The following CYTH3 variants were observed in gnomAD, a reference collection of about 807,000 sequenced individuals.
CYTH3 encodes cytohesin 3, also known as cytohesin-3.
In CYTH3, 23 loss-of-function variants were observed where a neutral mutation model predicts 55.1. That is an observed-to-expected ratio of 0.42 (90% CI 0.30 to 0.59). CYTH3 has a LOEUF of 0.59. Among genes scored for constraint, CYTH3 ranks in the 20% least tolerant of loss-of-function variants. The pLI is 0.20. For missense variants in CYTH3, 413 were observed against 524.8 expected, an observed-to-expected ratio of 0.79 and a Z score of 2.08; for synonymous variants, 249 against 194.9, an observed-to-expected ratio of 1.28 and a Z score of -2.31.
chr7:6,229,232 G>C (rs951209656), intron 1 of CYTH3, among the ~76,000 whole-genome samples: 8 of 152,150 alleles, frequency 5.3e-5, no homozygotes, highest in Admixed American at 4.6e-4. Context: ...TATAGCCAAA[G>C]AAAAACAATT....
At chr7:6,256,871 G>A (rs1293118015) in intron 1 of CYTH3, among the ~76,000 whole-genome samples, 3 of 152,142 alleles carry the variant, frequency 2.0e-5, no homozygotes, top group South Asian at 2.1e-4. Context: ...TGAAGCTGGC[G>A]GGACAACGTG....
intron 1 of CYTH3, among the ~76,000 whole-genome samples, chr7:6,192,969 T>A: frequency 6.6e-6 from 1 of 151,038 alleles, no homozygotes; most frequent in East Asian, 2.0e-4. Flanking sequence ...TCAGGAGTTC[T>A]GGACCAGTCT....
In CYTH3 at chr7:6,249,859, G is replaced by C. The variant is rs191558892; in HGVS notation, c.34+22615C>G. On this transcript the variant is annotated intron_variant, in intron 1 of 12. Transcript: ENST00000350796. The stretch of plus-strand genomic sequence containing the variant: ...ACCTCTCGCCTCACATAGTTACCTT[G>C]TGCTTGTGTAGTGAGAATACTTAAA... 1.5e-3 allele frequency among the ~76,000 whole-genome samples: 232 copies of C among 152,314 alleles called. 2 individuals are homozygous for C. Among genetic ancestry groups the C allele is most frequent in the African/African-American group, 5.1e-3 (214 of 41,558 alleles).
intron 1 of CYTH3, among the ~76,000 whole-genome samples, chr7:6,246,074 T>C (rs1779806466): frequency 6.6e-6 from 1 of 152,012 alleles, no homozygotes; most frequent in Non-Finnish European, 1.5e-5. Flanking sequence ...CTCTAAATAA[T>C]TTTTAATTTT....
At chr7:6,212,951 G>C (rs148291290) in intron 1 of CYTH3, among the ~76,000 whole-genome samples, 10 of 152,284 alleles carry the variant, frequency 6.6e-5, no homozygotes, top group South Asian at 2.1e-4. Context: ...CAGTGCACAA[G>C]GTTTCCAATT....
intron 1 of CYTH3, among the ~76,000 whole-genome samples, chr7:6,203,595 C>T (rs1583782343): frequency 6.6e-6 from 1 of 152,108 alleles, no homozygotes. Context: ...CTAATGCCTT[C>T]GATGGTGACA....
chr7:6,195,348 A>C (rs1783899546), intron 1 of CYTH3, among the ~76,000 whole-genome samples: 1 of 152,368 alleles, frequency 6.6e-6, no homozygotes, highest in Non-Finnish European at 1.5e-5. Flanking sequence ...GAAAAAAATA[A>C]AATATGCTTC....
chr7:6,179,823 C>T (rs1402283319), intron 4 of CYTH3, among the ~76,000 whole-genome samples: 1 of 136,030 alleles, frequency 7.4e-6, no homozygotes, highest in Non-Finnish European at 1.6e-5. Flanking sequence ...ACACACACCA[C>T]ACACGCACAC....
chr7:6,252,580 C>T (rs1051900623), intron 1 of CYTH3, among the ~76,000 whole-genome samples: 1 of 152,030 alleles, frequency 6.6e-6, no homozygotes, highest in Non-Finnish European at 1.5e-5. Flanking sequence ...GCTTTTCATA[C>T]AATGAGTTTG....
At chr7:6,264,673 C>T (rs1780441835) in intron 1 of CYTH3, among the ~76,000 whole-genome samples, 1 of 152,124 alleles carries the variant, frequency 6.6e-6, no homozygotes, top group Non-Finnish European at 1.5e-5. Flanking sequence ...ATGGCTGCCT[C>T]TAAGAAACAT....
intron 1 of CYTH3, among the ~76,000 whole-genome samples, chr7:6,210,770 G>A (rs1204695826): frequency 6.6e-6 from 1 of 152,166 alleles, no homozygotes; most frequent in African/African-American, 2.4e-5. Context: ...GCTTAGGAAA[G>A]CAGTATTTTT....
intron 1 of CYTH3, among the ~76,000 whole-genome samples, chr7:6,227,082 A>AC (rs1779275749): frequency 6.6e-6 from 1 of 151,652 alleles, no homozygotes; most frequent in African/African-American, 2.4e-5. Context: ...TCTGTCTAAA[A>AC]AAAAAAAAAA....
intron 1 of CYTH3, among the ~76,000 whole-genome samples, chr7:6,270,477 T>C (rs1780621237): frequency 6.6e-6 from 1 of 152,220 alleles, no homozygotes; most frequent in Non-Finnish European, 1.5e-5. Flanking sequence ...ATGGTTTTTT[T>C]CCAATCTGAA....
chr7:6,164,308 T>TC lies in CYTH3; in HGVS notation c.*635_*636insG. 1 of 152,858 alleles carries TC rather than the reference T, an allele frequency of 6.5e-6. No homozygotes were observed. Among genetic ancestry groups the TC allele is most frequent in the Non-Finnish European group, 1.5e-5 (1 of 68,198 alleles). 9.5% of individuals were successfully genotyped at this position (152,858 alleles called of 1,614,324 possible). The stretch of plus-strand genomic sequence containing the variant: ...ATGGATATTTTTTCAGTGCACAGTA[T>TC]ATACTTGTGTCCAGGAGTTAACTTT... On this transcript the variant is annotated 3_prime_UTR_variant, in exon 13 of 13. Coordinates refer to ENST00000350796, the MANE Select transcript of CYTH3 (RefSeq NM_004227.4).
Position 6,164,770 on chromosome 7 carries a change from G to T in CYTH3, c.*174C>A. On this transcript the variant is annotated 3_prime_UTR_variant, in exon 13 of 13. Transcript: ENST00000350796. ...GCACTGCAGGGCGACCACCTCCCAGGACCCCAGCCACGGCACGAGGCCTTG... is the reference window on the plus strand; with the variant it reads ...GCACTGCAGGGCGACCACCTCCCAGTACCCCAGCCACGGCACGAGGCCTTG... 1 of 730,488 alleles carries T rather than the reference G, an allele frequency of 1.4e-6. No homozygotes were observed. The highest frequency in any genetic ancestry group is 2.4e-6 in the Non-Finnish European group (1 of 423,382). The allele number at this position is 730,488 out of a possible 1,614,324, so 45.3% of individuals were successfully genotyped here. A position where few individuals can be genotyped will look rare whatever the true frequency, so the allele number is the denominator to read the frequency against.
Position 6,170,835 on chromosome 7 carries a change from G to T in CYTH3, c.706C>A (p.Leu236Met). ...CCGCGGGCCGGGGAGCTCACCCTCA[G>T]CAGCTCCTCAGGGAGGTCCCCGCCC... ...NEGGDLPEEL[L>M]RNLYESIKNE... The change falls in exon 8 of 13, where the codon CTG (leucine) becomes ATG (methionine). Residue 236 changes from leucine (L) to methionine (M), a missense_variant. Transcript: ENST00000350796. This position sits in a 1 kb window ranked among gnomAD's most constrained non-coding sequence, Gnocchi z 7.8. 6.2e-7 allele frequency: 1 copy of T among 1,611,254 alleles called. No homozygotes were observed.
intron 1 of CYTH3, among the ~76,000 whole-genome samples, chr7:6,257,196 T>C (rs1780151601): frequency 6.6e-6 from 1 of 152,142 alleles, no homozygotes; most frequent in Non-Finnish European, 1.5e-5. Context: ...TGAATCAAAG[T>C]CTACAATCAC....
chr7:6,210,151 T>C (rs2128549010), intron 1 of CYTH3, among the ~76,000 whole-genome samples: 1 of 152,244 alleles, frequency 6.6e-6, no homozygotes, highest in South Asian at 2.1e-4. Flanking sequence ...TTGTAAGAAA[T>C]GCACCACACT....
rs557354016 is a variant in CYTH3, at chr7:6,236,745, T to C, written c.34+35729A>G. ...CCCAGCTAATTTTTTGTATTTTTAG[T>C]AGAGACAAAGTTTCACCATGTTGGC... On this transcript the variant is annotated intron_variant, in intron 1 of 12. Transcript: ENST00000350796. Among the ~76,000 whole-genome samples the C allele has an allele frequency of 6.6e-5, 10 of 152,162 alleles. 1 individual carries two copies. In the South Asian group the frequency reaches 1.2e-3, roughly 19 times the overall value.
Sources: gnomAD v4.1 joint callset for allele counts (sites outside exome capture counted in the v4.1 genomes callset) on GRCh38, gnomAD v4.1.1 for gene constraint, Gnocchi (gnomAD v3.1) non-coding constraint, MANE v1.5 for transcripts, NCBI Gene and HGNC (gene_info 2026-07-23, HGNC 2026-07-21) for gene names.